Variants in PTK2 observed in about 807,000 individuals in gnomAD.
The protein encoded by PTK2 is protein tyrosine kinase 2.
Under a neutral mutation model 150.1 loss-of-function variants are expected in PTK2, and 45 were observed. The ratio of observed to expected loss-of-function variants is 0.30; its 90% CI spans 0.24 to 0.38. PTK2 has a LOEUF of 0.38. Among genes scored for constraint, PTK2 ranks in the 10% least tolerant of loss-of-function variants. PTK2 has a pLI of 1.00. For synonymous variants in PTK2, 432 were observed against 449.2 expected, an observed-to-expected ratio of 0.96 and a Z score of 0.48; for missense variants, 919 against 1,307.3, an observed-to-expected ratio of 0.70 and a Z score of 4.58.
intron 14 of PTK2, among the ~76,000 whole-genome samples, chr8:140,780,889 A>G (rs1043498442): frequency 6.6e-6 from 1 of 152,250 alleles, no homozygotes; most frequent in African/African-American, 2.4e-5. Context: ...TAGTTGCTGA[A>G]TCTGGGTGAT....
chr8:140,753,651 C>G (rs989777694), intron 16 of PTK2, among the ~76,000 whole-genome samples: 19 of 152,024 alleles, frequency 1.2e-4, no homozygotes, highest in African/African-American at 4.1e-4. Flanking sequence ...ATGTGTTGCT[C>G]TGAAAGCCAA....
At chr8:140,930,582 A>G (rs908816358) in intron 1 of PTK2, among the ~76,000 whole-genome samples, 2 of 152,200 alleles carry the variant, frequency 1.3e-5, no homozygotes, top group African/African-American at 4.8e-5. Context: ...TTCTGTTTCA[A>G]ATAACTTTCT....
At chr8:140,729,899 C>T (rs1031362920) in intron 22 of PTK2, among the ~76,000 whole-genome samples, 1 of 152,146 alleles carries the variant, frequency 6.6e-6, no homozygotes, top group African/African-American at 2.4e-5. Flanking sequence ...TCATCGTAAA[C>T]TAACGATGAA....
intron 2 of PTK2, among the ~76,000 whole-genome samples, chr8:140,915,700 C>T (rs536777053): frequency 6.6e-6 from 1 of 152,012 alleles, no homozygotes; most frequent in Admixed American, 6.5e-5. Flanking sequence ...AGGTCAAGAC[C>T]AGCCTGGCCA....
intron 1 of PTK2, among the ~76,000 whole-genome samples, chr8:140,935,441 C>T (rs1003567990): frequency 6.6e-6 from 1 of 152,076 alleles, no homozygotes; most frequent in South Asian, 2.1e-4. Flanking sequence ...GCGATGTATC[C>T]ATGGTTCTCT....
chr8:140,719,946 C>A (rs1592068843), intron 22 of PTK2, among the ~76,000 whole-genome samples: 1 of 136,188 alleles, frequency 7.3e-6, no homozygotes, highest in African/African-American at 2.9e-5. Flanking sequence ...ACAACAACAA[C>A]AAACACCCTG....
At chr8:140,929,385 G>A (rs1214830311) in intron 1 of PTK2, among the ~76,000 whole-genome samples, 1 of 152,130 alleles carries the variant, frequency 6.6e-6, no homozygotes, top group African/African-American at 2.4e-5. Flanking sequence ...AAAGCTTTGA[G>A]AGTTTAAGAA....
chr8:140,776,189 A>G (rs2100078349), intron 14 of PTK2, among the ~76,000 whole-genome samples: 1 of 152,192 alleles, frequency 6.6e-6, no homozygotes, highest in Non-Finnish European at 1.5e-5. Context: ...TTTTTAATAG[A>G]GACAGGTTTC....
intron 1 of PTK2, among the ~76,000 whole-genome samples, chr8:140,970,747 T>G (rs1202935282): frequency 6.6e-6 from 1 of 152,196 alleles, no homozygotes; most frequent in Non-Finnish European, 1.5e-5. Flanking sequence ...TCAATCTGAT[T>G]GCAGATGAAG....
chr8:140,848,462 C>CAAT (rs56755906), intron 5 of PTK2, among the ~76,000 whole-genome samples: 1 of 152,020 alleles, frequency 6.6e-6, no homozygotes, highest in African/African-American at 2.4e-5. Context: ...AATGCATAAA[C>CAAT]GAATGAACAA....
intron 2 of PTK2, among the ~76,000 whole-genome samples, chr8:140,916,952 G>C (rs746072830): frequency 1.3e-5 from 2 of 152,172 alleles, no homozygotes; most frequent in Non-Finnish European, 2.9e-5. Flanking sequence ...ACATTTGTGA[G>C]AATGGAATAA....
chr8:140,985,746 C>A (rs182289216), intron 1 of PTK2, among the ~76,000 whole-genome samples: 37 of 152,360 alleles, frequency 2.4e-4, no homozygotes, highest in Admixed American at 1.1e-3. Context: ...ATGGGAGACA[C>A]TGGGTCTAAG....
At chr8:140,664,171 A>G (rs1395069718) in intron 31 of PTK2, among the ~76,000 whole-genome samples, 1 of 152,082 alleles carries the variant, frequency 6.6e-6, no homozygotes, top group African/African-American at 2.4e-5. Context: ...TTTAGTAGAG[A>G]TGGAGTTTCA....
intron 14 of PTK2, among the ~76,000 whole-genome samples, chr8:140,768,220 T>C (rs2100073498): frequency 6.6e-6 from 1 of 151,996 alleles, no homozygotes; most frequent in African/African-American, 2.4e-5. Flanking sequence ...CAAGAAACGG[T>C]AGCATACAAA....
At chr8:140,840,453 A>C (rs2100121673) in intron 7 of PTK2, among the ~76,000 whole-genome samples, 1 of 152,250 alleles carries the variant, frequency 6.6e-6, no homozygotes, top group Admixed American at 6.5e-5. Context: ...AATTTTGAAA[A>C]GATATAACTA....
At chr8:140,950,961 TAATATA>T (rs2100179358) in intron 1 of PTK2, among the ~76,000 whole-genome samples, 1 of 152,028 alleles carries the variant, frequency 6.6e-6, no homozygotes, top group African/African-American at 2.4e-5. Context: ...AGGTACCTAA[TAATATA>T]AATAATATAT....
chr8:140,937,628 A>G (rs1171077443), intron 1 of PTK2, among the ~76,000 whole-genome samples: 1 of 152,084 alleles, frequency 6.6e-6, no homozygotes, highest in African/African-American at 2.4e-5. Flanking sequence ...ATTTAATCTA[A>G]CAAAAATTGG....
chr8:140,886,756 A>G (rs2100152474), intron 3 of PTK2, among the ~76,000 whole-genome samples: 1 of 152,172 alleles, frequency 6.6e-6, no homozygotes, highest in Non-Finnish European at 1.5e-5. Context: ...TCTAAAGTAC[A>G]TGTTATTTTC....
At chr8:140,948,610 G>A (rs940811230) in intron 1 of PTK2, 1 of 152,056 alleles carries the variant, frequency 6.6e-6, no homozygotes, top group Non-Finnish European at 1.5e-5. Flanking sequence ...TCCCAAATCA[G>A]AAAATCAACA....
Sources: allele counts gnomAD v4.1 joint callset (sites outside exome capture counted in the v4.1 genomes callset), GRCh38; gene constraint gnomAD v4.1.1; transcripts MANE v1.5; gene names NCBI Gene and HGNC (gene_info 2026-07-23, HGNC 2026-07-21).